Variants in ANP32B observed in about 807,000 individuals in gnomAD.
The protein encoded by ANP32B is acidic leucine-rich nuclear phosphoprotein 32 family member B.
Under a neutral mutation model 32.2 loss-of-function variants are expected in ANP32B, and 6 were observed. The ratio of observed to expected loss-of-function variants is 0.19; its 90% CI spans 0.10 to 0.37. The LOEUF (loss-of-function observed/expected upper bound fraction) is 0.37. Ranked by LOEUF, ANP32B falls within the 10% of genes least tolerant of loss-of-function variation. The pLI is 1.00. For synonymous variants in ANP32B, 98 were observed against 105.8 expected (o/e 0.93, Z 0.45); for missense variants, 204 against 289.2 (o/e 0.71, Z 2.14).
intron 3 of ANP32B, chr9:98,002,419 A>G (rs1270414995): frequency 6.6e-6 from 1 of 152,166 alleles, no homozygotes; most frequent in Non-Finnish European, 1.5e-5. Context: ...AAAATGTTTA[A>G]TGTTTATTAT....
chr9:98,005,233 G>A (rs545545500), intron 4 of ANP32B, 80 bp downstream of exon 4: 111 of 1,410,092 alleles, frequency 7.9e-5, no homozygotes, highest in East Asian at 7.3e-4. Flanking sequence ...TTGGCCGGGC[G>A]CAGTGGCACA....
intron 4 of ANP32B, among the ~76,000 whole-genome samples, chr9:98,010,853 T>A (rs377543321): frequency 1.4e-5 from 2 of 145,222 alleles, no homozygotes; most frequent in East Asian, 2.0e-4. Flanking sequence ...TTTTTTTTTT[T>A]AACTTTTTAC....
chr9:97,995,460 G>A (rs1050975396), intron 2 of ANP32B, among the ~76,000 whole-genome samples: 3 of 152,190 alleles, frequency 2.0e-5, no homozygotes, highest in African/African-American at 7.2e-5. Context: ...GGAAAGTTAA[G>A]TTGTACCTTT....
chr9:98,002,927 T>C (rs1011436154), intron 3 of ANP32B, among the ~76,000 whole-genome samples: 23 of 152,304 alleles, frequency 1.5e-4, no homozygotes, highest in African/African-American at 5.3e-4. Flanking sequence ...TGAACCTTTT[T>C]GGAAAAGCTG....
intron 2 of ANP32B, among the ~76,000 whole-genome samples, chr9:97,996,697 G>A (rs1166165842): frequency 1.3e-5 from 2 of 151,960 alleles, no homozygotes; most frequent in South Asian, 2.1e-4. Context: ...AGGTTCAAGC[G>A]ATTCTCCTGC....
At chr9:97,989,960 G>A (rs1449122372) in intron 1 of ANP32B, among the ~76,000 whole-genome samples, 1 of 152,220 alleles carries the variant, frequency 6.6e-6, no homozygotes, top group African/African-American at 2.4e-5. Context: ...TCTCCCTTTG[G>A]AGTGAGTCTG....
intron 5 of ANP32B, among the ~76,000 whole-genome samples, chr9:98,011,598 G>A (rs909796365): frequency 6.6e-5 from 10 of 152,168 alleles, no homozygotes; most frequent in Admixed American, 3.3e-4. Context: ...AAACTAGTAC[G>A]GTTCCTGGCT....
chr9:97,991,012 G>T (rs1827816795), intron 1 of ANP32B, among the ~76,000 whole-genome samples: 1 of 151,608 alleles, frequency 6.6e-6, no homozygotes, highest in Non-Finnish European at 1.5e-5. Flanking sequence ...AGTAGAGATG[G>T]GGTTTCGCCA....
At chr9:98,010,211 A>T (rs1003627925) in intron 4 of ANP32B, among the ~76,000 whole-genome samples, 1 of 151,510 alleles carries the variant, frequency 6.6e-6, no homozygotes, top group African/African-American at 2.4e-5. Flanking sequence ...TAAAAAAAAA[A>T]GGAACAAAAA....
At chr9:97,991,482 C>T (rs1827824688) in intron 1 of ANP32B, among the ~76,000 whole-genome samples, 1 of 152,034 alleles carries the variant, frequency 6.6e-6, no homozygotes, top group Non-Finnish European at 1.5e-5. Flanking sequence ...GTTAGTGTTT[C>T]TGCTGGGGTA....
chr9:97,983,707 C>A, intron 1 of ANP32B, 98 bp downstream of exon 1: 2 of 1,000,388 alleles, frequency 2.0e-6, no homozygotes, highest in Non-Finnish European at 2.8e-6. Context: ...GGCCCCGGCG[C>A]GGGGAAGAGC....
intron 3 of ANP32B, among the ~76,000 whole-genome samples, 195 bp from the exon 4 acceptor site, chr9:98,004,769 A>G (rs1465269394): frequency 6.6e-6 from 1 of 152,218 alleles, no homozygotes; most frequent in Non-Finnish European, 1.5e-5. Flanking sequence ...GGGAGAGTAG[A>G]TAAAGGAAGA....
At chr9:98,012,817 G>A (rs1243345911) in intron 6 of ANP32B, among the ~76,000 whole-genome samples, 5 of 152,122 alleles carry the variant, frequency 3.3e-5, no homozygotes, top group Admixed American at 6.6e-5. Context: ...TGCAAGTTCC[G>A]CCTCCTAGGT....
intron 1 of ANP32B, among the ~76,000 whole-genome samples, chr9:97,987,968 T>C (rs112786898): frequency 0.017 from 2,545 of 152,212 alleles, 71 homozygotes; most frequent in African/African-American, 0.059. Flanking sequence ...AAATTAGATA[T>C]AGATAGGCCA....
At chr9:98,006,030 G>A (rs1179259820) in intron 4 of ANP32B, among the ~76,000 whole-genome samples, 1 of 152,130 alleles carries the variant, frequency 6.6e-6, no homozygotes, top group Admixed American at 6.6e-5. Context: ...ATTGTGAACT[G>A]CACATGTGAG....
chr9:98,007,758 A>C (rs538001315), intron 4 of ANP32B, among the ~76,000 whole-genome samples: 1 of 152,298 alleles, frequency 6.6e-6, no homozygotes, highest in East Asian at 1.9e-4. Context: ...GACAAATGTC[A>C]CCTGAACTTA....
intron 3 of ANP32B, among the ~76,000 whole-genome samples, chr9:97,999,696 T>G (rs1483930751): frequency 6.6e-6 from 1 of 152,234 alleles, no homozygotes; most frequent in Non-Finnish European, 1.5e-5. Flanking sequence ...AATAAGATAA[T>G]GTACTTACTT....
Position 97,989,878 on chromosome 9 carries a change from G to A in ANP32B, c.55-4753G>A, listed in dbSNP as rs1827795261. 2.0e-5 allele frequency among the ~76,000 whole-genome samples: 3 copies of A among 152,302 alleles called. No individual in the cohort carries two copies. The South Asian group carries it at 6.2e-4, about 32-fold the overall frequency. On this transcript the variant is annotated intron_variant, in intron 1 of 6. Transcript: ENST00000339399. ...TGAAGAGATTTGAGATTCAACAGAT[G>A]CAGAGAGAAGCCTACTTGGAGTTTA...
chr9:98,003,239 G>T (rs945267950), intron 3 of ANP32B, among the ~76,000 whole-genome samples: 3 of 152,172 alleles, frequency 2.0e-5, no homozygotes, highest in African/African-American at 7.2e-5. Flanking sequence ...GTTTTGAGGG[G>T]TGCAACGTTT....
Sources: allele counts gnomAD v4.1 joint callset (sites outside exome capture counted in the v4.1 genomes callset), GRCh38; gene constraint gnomAD v4.1.1; transcripts MANE v1.5; gene names NCBI Gene and HGNC (gene_info 2026-07-23, HGNC 2026-07-21).